PACRG: variants seen among roughly 807,000 people sequenced by gnomAD.
PACRG encodes the protein parkin coregulated gene protein.
A neutral mutation model predicts 29.7 loss-of-function variants in PACRG; 29 were observed. The ratio of observed to expected loss-of-function variants is 0.98; its 90% confidence interval spans 0.73 to 1.33. The LOEUF (loss-of-function observed/expected upper bound fraction) is 1.33. PACRG is among the 40% of genes most tolerant of loss of function. The pLI, the probability that PACRG is intolerant of heterozygous loss-of-function variation, is 0.00. For synonymous variants in PACRG, 116 were observed against 118.7 expected, an observed-to-expected ratio of 0.98 and a Z score of 0.15; for missense variants, 279 against 316.2, an observed-to-expected ratio of 0.88 and a Z score of 0.89.
intron 4 of PACRG, among the ~76,000 whole-genome samples, chr6:163,099,942 CCTT>C (rs1562914244): frequency 6.6e-6 from 1 of 152,190 alleles, no homozygotes; most frequent in African/African-American, 2.4e-5. Context: ...CACTCTCAGA[CCTT>C]CTCTCCCCGC....
At chr6:162,754,659 G>A (rs1781763738) in intron 1 of PACRG, among the ~76,000 whole-genome samples, 1 of 151,618 alleles carries the variant, frequency 6.6e-6, no homozygotes, top group African/African-American at 2.4e-5. Context: ...TATGATATAA[G>A]AGCCTAATTT....
intron 2 of PACRG, among the ~76,000 whole-genome samples, chr6:162,897,835 C>T (rs986136549): frequency 3.9e-5 from 6 of 152,200 alleles, no homozygotes; most frequent in African/African-American, 1.4e-4. Flanking sequence ...GGGTTTAGCC[C>T]TGGACCATTC....
At chr6:162,859,345 A>G (rs1310114532) in intron 2 of PACRG, among the ~76,000 whole-genome samples, 1 of 152,188 alleles carries the variant, frequency 6.6e-6, no homozygotes, top group Non-Finnish European at 1.5e-5. Flanking sequence ...CTGCCCAACT[A>G]TCTGAGGAGC....
At chr6:163,146,002 T>C (rs1183885240) in intron 4 of PACRG, among the ~76,000 whole-genome samples, 1 of 152,178 alleles carries the variant, frequency 6.6e-6, no homozygotes, top group Non-Finnish European at 1.5e-5. Flanking sequence ...AATTATTGAA[T>C]TTCAGTTTTG....
At chr6:163,010,554 C>T (rs1219583752) in intron 2 of PACRG, among the ~76,000 whole-genome samples, 1 of 152,172 alleles carries the variant, frequency 6.6e-6, no homozygotes, top group African/African-American at 2.4e-5. Flanking sequence ...GTAGTCCTAG[C>T]AACTGTTATC....
chr6:162,962,652 C>A (rs62429276), intron 2 of PACRG, among the ~76,000 whole-genome samples: 2 of 152,152 alleles, frequency 1.3e-5, no homozygotes, highest in African/African-American at 4.8e-5. Context: ...GAAGAGAGCC[C>A]TCATCAGGAA....
At chr6:163,006,205 AT>A (rs1562824614) in intron 2 of PACRG, among the ~76,000 whole-genome samples, 5 of 116,200 alleles carry the variant, frequency 4.3e-5, no homozygotes, top group Non-Finnish European at 7.1e-5. Flanking sequence ...ATATATATAT[AT>A]CCCATATATA....
At chr6:163,131,495 G>A (rs966600734) in intron 4 of PACRG, among the ~76,000 whole-genome samples, 7 of 152,122 alleles carry the variant, frequency 4.6e-5, no homozygotes, top group Non-Finnish European at 8.8e-5. Context: ...AATTTGGAGA[G>A]GCGCATAAAA....
At chr6:162,771,389 T>C (rs186396491) in intron 1 of PACRG, among the ~76,000 whole-genome samples, 7 of 152,280 alleles carry the variant, frequency 4.6e-5, no homozygotes, top group Admixed American at 3.3e-4. Context: ...TTATATTTCA[T>C]TGTGTTCTGA....
intron 2 of PACRG, among the ~76,000 whole-genome samples, chr6:162,864,820 G>A (rs1404105912): frequency 6.6e-6 from 1 of 152,162 alleles, no homozygotes; most frequent in Non-Finnish European, 1.5e-5. Flanking sequence ...ACTGAGTACT[G>A]ACTACATGTA....
At chr6:163,276,817 G>A (rs773772799) in intron 4 of PACRG, among the ~76,000 whole-genome samples, 9 of 152,126 alleles carry the variant, frequency 5.9e-5, no homozygotes, top group South Asian at 2.1e-4. Context: ...GACTCTGCTG[G>A]TGCCTTGATC....
rs1320542371 is a variant in PACRG at position 162,871,592 on chromosome 6, T to C, written c.291+57311T>C. On this transcript the variant is annotated intron_variant, in intron 2 of 4. Transcript: ENST00000366888. Reference sequence around the variant, plus strand: ...TTTCAAATACCAGCAATCATTTCATTAAAAATAAAACAAGCACTTCCACTT... The same window carrying C: ...TTTCAAATACCAGCAATCATTTCATCAAAAATAAAACAAGCACTTCCACTT... Among the ~76,000 whole-genome samples the C allele has an allele frequency of 3.3e-5, 5 of 152,122 alleles. No individual in the cohort carries two copies. In the East Asian group the frequency reaches 7.7e-4, roughly 23 times the overall value.
At chr6:163,079,011 G>T (rs1292807228) in intron 3 of PACRG, among the ~76,000 whole-genome samples, 1 of 151,942 alleles carries the variant, frequency 6.6e-6, no homozygotes, top group Non-Finnish European at 1.5e-5. Context: ...GCTGAGTGCA[G>T]ACCGGATCCC....
At chr6:162,734,624 A>G (rs865954447) in intron 1 of PACRG, among the ~76,000 whole-genome samples, 5 of 152,272 alleles carry the variant, frequency 3.3e-5, no homozygotes, top group Non-Finnish European at 5.9e-5. Context: ...GGCTTTTCCA[A>G]CCAATCTTAT....
At chr6:162,844,541 G>A (rs1330919775) in intron 2 of PACRG, among the ~76,000 whole-genome samples, 1 of 152,234 alleles carries the variant, frequency 6.6e-6, no homozygotes, top group Non-Finnish European at 1.5e-5. Context: ...TGGAAATGCA[G>A]AAATCACCCG....
chr6:163,253,745 A>C (rs1290366474), intron 4 of PACRG, among the ~76,000 whole-genome samples: 1 of 152,180 alleles, frequency 6.6e-6, no homozygotes, highest in Non-Finnish European at 1.5e-5. Context: ...ACACAAAACT[A>C]TCTTCCCTCA....
At chr6:163,118,537 G>A (rs569572234) in intron 4 of PACRG, among the ~76,000 whole-genome samples, 4 of 152,288 alleles carry the variant, frequency 2.6e-5, no homozygotes, top group South Asian at 4.1e-4. Flanking sequence ...TCCTTTAAAG[G>A]AAAACTGTTA....
chr6:162,748,294 C>A (rs1449316185), intron 1 of PACRG, among the ~76,000 whole-genome samples: 1 of 152,100 alleles, frequency 6.6e-6, no homozygotes, highest in Non-Finnish European at 1.5e-5. Context: ...AGTTTGAAAC[C>A]AGTCTGGCCA....
chr6:162,813,401 T>G (rs560785253), intron 1 of PACRG, among the ~76,000 whole-genome samples: 1 of 152,204 alleles, frequency 6.6e-6, no homozygotes, highest in South Asian at 2.1e-4. Context: ...CTTTCAATTT[T>G]GTAATCTAAT....
Sources: gnomAD v4.1 joint callset for allele counts (sites outside exome capture counted in the v4.1 genomes callset) on GRCh38, gnomAD v4.1.1 for gene constraint, MANE v1.5 for transcripts, NCBI Gene and HGNC (gene_info 2026-07-23, HGNC 2026-07-21) for gene names.